Variants in MKX observed in about 807,000 individuals in gnomAD.
MKX encodes the protein homeobox protein Mohawk.
In MKX, 13 loss-of-function variants were observed where a neutral mutation model predicts 36.0. The ratio of observed to expected loss-of-function variants is 0.36; its 90% CI spans 0.24 to 0.57. The LOEUF (loss-of-function observed/expected upper bound fraction) is 0.57. Among genes scored for constraint, MKX ranks in the 20% least tolerant of loss-of-function variants. MKX has a pLI of 0.79. For synonymous variants in MKX, 176 were observed against 178.3 expected (o/e 0.99, Z 0.10); for missense variants, 458 against 456.4 (o/e 1.00, Z -0.03).
chr10:27,700,472 T>C (rs529146481), intron 5 of MKX, among the ~76,000 whole-genome samples: 1 of 152,336 alleles, frequency 6.6e-6, no homozygotes, highest in South Asian at 2.1e-4. Flanking sequence ...CTCAATGTTT[T>C]ACCACTGTAT....
chr10:27,715,037 G>A (rs1836939458), intron 5 of MKX, among the ~76,000 whole-genome samples: 1 of 152,206 alleles, frequency 6.6e-6, no homozygotes, highest in South Asian at 2.1e-4. Context: ...CCATAGGAAG[G>A]AACTTGACTG....
intron 5 of MKX, among the ~76,000 whole-genome samples, chr10:27,690,574 T>A (rs1836436322): frequency 6.6e-6 from 1 of 152,174 alleles, no homozygotes; most frequent in Non-Finnish European, 1.5e-5. Context: ...TCTTCACCTA[T>A]AAAATGGGGA....
chr10:27,713,422 A>G (rs989256127), intron 5 of MKX, among the ~76,000 whole-genome samples: 2 of 152,300 alleles, frequency 1.3e-5, no homozygotes, highest in Admixed American at 1.3e-4. Context: ...GTTAAGAGTG[A>G]CTGCTTTAGA....
chr10:27,734,494 G>C lies in MKX; in HGVS notation c.800C>G (p.Ser267Trp), dbSNP rs143655800. Residue 267 changes from serine (S) to tryptophan (W), a missense_variant, in exon 5 of 7, where the codon TCG becomes TGG. By Grantham distance (177) the Ser-to-Trp change is radical. Transcript: ENST00000419761. ...AAAGTTGCCTTCAGTTTCTGATGAC[G>C]ATGGAGACACTAATTCTTCCTCAAA... ...NEFEEELVSP[S>W]SSETEGNFVY... 1 of 1,614,184 alleles carries C rather than the reference G, an allele frequency of 6.2e-7. No homozygotes were observed. Among genetic ancestry groups the C allele is most frequent in the East Asian group, 2.2e-5 (1 of 44,892 alleles).
chr10:27,681,470 A>C (rs1013983045), intron 5 of MKX, among the ~76,000 whole-genome samples: 2 of 151,836 alleles, frequency 1.3e-5, no homozygotes, highest in Non-Finnish European at 2.9e-5. Flanking sequence ...CAAACAAACA[A>C]ACACACCTAC....
rs758078102 is a variant in MKX, at chr10:27,741,532, T to C, written c.189-28A>G. On this transcript the variant is annotated intron_variant, in intron 2 of 6. Transcript: ENST00000419761. This position sits in a 1 kb window ranked among gnomAD's most constrained non-coding sequence, Gnocchi z 5.1. ...GGGACATGGGGAGAGGAGGCGGCCC[T>C]GGTGAGCGACGCGTTTGCCCGCCCG... The C allele has an allele frequency of 1.3e-6, 2 of 1,544,344 alleles. No individual in the cohort carries two copies. Among genetic ancestry groups the C allele is most frequent in the South Asian group, 1.2e-5 (1 of 82,722 alleles).
At chr10:27,729,709 G>C (rs920168963) in intron 5 of MKX, among the ~76,000 whole-genome samples, 1 of 152,122 alleles carries the variant, frequency 6.6e-6, no homozygotes, top group Non-Finnish European at 1.5e-5. Context: ...AACTCCACAG[G>C]TTTTATTTCA....
intron 5 of MKX, among the ~76,000 whole-genome samples, chr10:27,729,148 C>T (rs1834560912): frequency 2.0e-5 from 3 of 152,210 alleles, no homozygotes; most frequent in East Asian, 1.9e-4. Context: ...TGCTTTATAC[C>T]AGATGTGTCT....
intron 5 of MKX, among the ~76,000 whole-genome samples, chr10:27,678,458 A>T (rs1836194048): frequency 6.6e-6 from 1 of 152,216 alleles, no homozygotes; most frequent in African/African-American, 2.4e-5. Flanking sequence ...ATAACAAAAC[A>T]TAATTTAGAG....
At chr10:27,717,161 G>C (rs2637293) in intron 5 of MKX, among the ~76,000 whole-genome samples, 102,690 of 151,846 alleles carry the variant, frequency 0.68, 36,814 homozygotes, top group Non-Finnish European at 0.8. Flanking sequence ...CATTGGCCTG[G>C]ATAAGCTTGT....
chr10:27,693,306 T>C (rs1479701499), intron 5 of MKX, among the ~76,000 whole-genome samples: 1 of 152,098 alleles, frequency 6.6e-6, no homozygotes, highest in Non-Finnish European at 1.5e-5. Flanking sequence ...ACAATAAGGA[T>C]CTATACTACA....
At chr10:27,708,642 T>A (rs556345805) in intron 5 of MKX, among the ~76,000 whole-genome samples, 38 of 151,228 alleles carry the variant, frequency 2.5e-4, no homozygotes, top group African/African-American at 8.7e-4. Context: ...GGCAAGAGAA[T>A]CACTTGAACC....
rs1377992635 is a variant in MKX at position 27,744,320 on chromosome 10, C to T, written c.-82-823G>A. 2.0e-5 allele frequency among the ~76,000 whole-genome samples: 3 copies of T among 152,092 alleles called. No individual in the cohort carries two copies. Among genetic ancestry groups the T allele is most frequent in the Non-Finnish European group, 4.4e-5 (3 of 68,008 alleles). ...CGGGTGTCAGCCGCGAGCTCGTAGC[C>T]CCTCGACACCCGCCTCTCTCTGGGG... is the stretch of plus-strand genomic sequence containing the variant. On this transcript the variant is annotated intron_variant, in intron 1 of 6. Coordinates refer to ENST00000419761, the MANE Select transcript of MKX (RefSeq NM_173576.3). This position sits in a 1 kb window ranked among gnomAD's most constrained non-coding sequence, Gnocchi z 5.6.
In MKX at chr10:27,686,686, A is replaced by T. The variant is rs556904525; in HGVS notation, c.839-11132T>A. Among the ~76,000 whole-genome samples, 90 of 152,264 alleles carry T rather than the reference A, an allele frequency of 5.9e-4. 1 individual carries two copies. Among genetic ancestry groups the T allele is most frequent in the African/African-American group, 2.1e-3 (89 of 41,548 alleles). On this transcript the variant is annotated intron_variant, in intron 5 of 6. Transcript: ENST00000419761. ...GAGATGGGGTTTCATCATGTTGGCC[A>T]GGCTGGTCTCAAACTCTCAACCTCA...
In MKX at chr10:27,688,913, T is replaced by A. The variant is rs73604036; in HGVS notation, c.839-13359A>T. On this transcript the variant is annotated intron_variant, in intron 5 of 6. Coordinates refer to ENST00000419761, the MANE Select transcript of MKX (RefSeq NM_173576.3). ...TGAATGGTGTTAGGCTACAAAGGACTAATGTGACTTCAGCAAAAAAAGACT... is the reference window on the plus strand; with the variant it reads ...TGAATGGTGTTAGGCTACAAAGGACAAATGTGACTTCAGCAAAAAAAGACT... 7.1e-3 allele frequency among the ~76,000 whole-genome samples: 1,079 copies of A among 152,318 alleles called. 10 individuals are homozygous for A. The highest frequency in any genetic ancestry group is 0.022 in the African/African-American group (933 of 41,556).
intron 5 of MKX, among the ~76,000 whole-genome samples, chr10:27,726,437 C>T (rs1010898212): frequency 6.6e-6 from 1 of 152,136 alleles, no homozygotes; most frequent in African/African-American, 2.4e-5. Flanking sequence ...TTAAGTCTCA[C>T]CTCCAAAGTA....
At chr10:27,734,297 T>C (rs1456634152) in intron 5 of MKX, among the ~76,000 whole-genome samples, 159 bp downstream of exon 5, 1 of 152,200 alleles carries the variant, frequency 6.6e-6, no homozygotes, top group Admixed American at 6.5e-5. Context: ...AATGTATCCA[T>C]TGGCAATTCT....
Position 27,707,929 on chromosome 10 carries a change from A to T in MKX, c.838+26527T>A, listed in dbSNP as rs549124384. On this transcript the variant is annotated intron_variant, in intron 5 of 6. Transcript: ENST00000419761. ...GTGACTTAATGTCACACAAGTGTAG[A>T]TGAAGGTAAACAGGTCTCTGCATTA... Among the ~76,000 whole-genome samples, 7 of 152,340 alleles carry T rather than the reference A, an allele frequency of 4.6e-5. No homozygotes were observed. The East Asian group carries it at 1.3e-3, about 29-fold the overall frequency.
chr10:27,713,743 A>G (rs760393172), intron 5 of MKX, among the ~76,000 whole-genome samples: 1 of 152,164 alleles, frequency 6.6e-6, no homozygotes, highest in Non-Finnish European at 1.5e-5. Context: ...CTGGCATTAG[A>G]TTTGCTAATC....
Sources: gnomAD v4.1 joint callset for allele counts (sites outside exome capture counted in the v4.1 genomes callset) on GRCh38, gnomAD v4.1.1 for gene constraint, Gnocchi (gnomAD v3.1) non-coding constraint, MANE v1.5 for transcripts, NCBI Gene and HGNC (gene_info 2026-07-23, HGNC 2026-07-21) for gene names.